The following TRIOBP variants were observed in gnomAD, a reference collection of about 807,000 sequenced individuals.
The protein encoded by TRIOBP is TRIO and F-actin binding protein, also known as TRIO and F-actin-binding protein.
In TRIOBP, 169 loss-of-function variants were observed where a neutral mutation model predicts 238.8. The ratio of observed to expected loss-of-function variants is 0.71; its 90% CI spans 0.62 to 0.80. TRIOBP has a LOEUF of 0.80. Among genes scored for constraint, TRIOBP ranks in the 30% least tolerant of loss-of-function variants. The pLI is 0.00. For missense variants in TRIOBP, 2,838 were observed against 3,122.6 expected, an observed-to-expected ratio of 0.91 and a Z score of 2.17; for synonymous variants, 1,150 against 1,274.4, an observed-to-expected ratio of 0.90 and a Z score of 2.08.
At chr22:37,766,044 A>G (rs1312454400) in intron 18 of TRIOBP, among the ~76,000 whole-genome samples, 2 of 152,124 alleles carry the variant, frequency 1.3e-5, no homozygotes, top group African/African-American at 4.8e-5. Flanking sequence ...CAACACCACC[A>G]CTACCATAGG....
rs774489156 is a variant in TRIOBP, at chr22:37,725,647, C to T, written c.3091C>T (p.Arg1031Cys). 3.1e-6 allele frequency: 5 copies of T among 1,613,690 alleles called. No individual in the cohort carries two copies. The South Asian group carries it at 3.3e-5, about 11-fold the overall frequency. ...RDAPRASSPPRYLQHDPFPFF... is the reference protein window; with the variant it reads ...RDAPRASSPPCYLQHDPFPFF... The stretch of plus-strand genomic sequence containing the variant: ...TGCCCCTCGAGCCTCTTCGCCCCCT[C>T]GCTATTTGCAGCACGACCCCTTCCC... The change falls in exon 7 of 24, where the codon CGC (arginine) becomes TGC (cysteine). Residue 1031 changes from arginine to cysteine, a missense_variant. Transcript: ENST00000644935.
chr22:37,717,011 G>T (rs1263935192), intron 6 of TRIOBP, among the ~76,000 whole-genome samples: 1 of 152,208 alleles, frequency 6.6e-6, no homozygotes, highest in African/African-American at 2.4e-5. Context: ...CTGACTTCAA[G>T]AATGAAGCGG....
At chr22:37,715,070 A>G (rs1923442542) in intron 5 of TRIOBP, among the ~76,000 whole-genome samples, 1 of 152,152 alleles carries the variant, frequency 6.6e-6, no homozygotes, top group Non-Finnish European at 1.5e-5. Flanking sequence ...GCTGGAGTGC[A>G]GTGCCACAAT....
intron 11 of TRIOBP, among the ~76,000 whole-genome samples, chr22:37,741,427 C>CAAACATCTGGCGTTACGTAA (rs941786023): frequency 6.6e-6 from 1 of 152,220 alleles, no homozygotes; most frequent in Non-Finnish European, 1.5e-5. Context: ...GCCAGTTTCA[C>CAAACATCTGGCGTTACGTAA]AAACATCTGG....
In TRIOBP at chr22:37,735,398, G is replaced by A; in HGVS notation, c.5062G>A (p.Gly1688Arg). The A allele has an allele frequency of 6.3e-7, 1 of 1,599,160 alleles. No individual in the cohort carries two copies. Among genetic ancestry groups the A allele is most frequent in the Non-Finnish European group, 8.5e-7 (1 of 1,173,286 alleles). ...AGGCCTGGAGCAGACGGGCCCCCTG[G>A]GGAGCAGGAGCACTGCGAAGGGCCC... Reference protein sequence around the residue: ...LAGLEQTGPLGSRSTAKGPSL... With the variant: ...LAGLEQTGPLRSRSTAKGPSL... Residue 1688 changes from glycine to arginine, a missense_variant, in exon 9 of 24, where the codon GGG becomes AGG. Gly to Arg is a moderately radical substitution (Grantham distance 125). This residue lies in a region of TRIOBP where 2,096 missense variants were observed against 2,137.4 expected (regional missense o/e 0.98). Coordinates refer to ENST00000644935, the MANE Select transcript of TRIOBP (RefSeq NM_001039141.3).
intron 11 of TRIOBP, among the ~76,000 whole-genome samples, chr22:37,747,505 C>G (rs376661325): frequency 6.6e-6 from 1 of 152,178 alleles, no homozygotes; most frequent in East Asian, 1.9e-4. Context: ...ACGCCTAGCC[C>G]CTGCCCTGTG....
At chr22:37,750,982 G>A in intron 11 of TRIOBP, 1 of 373,868 alleles carries the variant, frequency 2.7e-6, no homozygotes, top group South Asian at 2.0e-5. Flanking sequence ...AGCGGAGACT[G>A]CAGAGGGACC....
chr22:37,752,651 C>T (rs903946583), intron 12 of TRIOBP, among the ~76,000 whole-genome samples: 7 of 152,244 alleles, frequency 4.6e-5, no homozygotes, highest in Non-Finnish European at 1.0e-4. Flanking sequence ...CACAGCCTTC[C>T]CTACCCGCTG....
chr22:37,708,946 C>T (rs1569033494), intron 3 of TRIOBP, among the ~76,000 whole-genome samples: 1 of 152,202 alleles, frequency 6.6e-6, no homozygotes, highest in Non-Finnish European at 1.5e-5. Context: ...GCTAGGGTTC[C>T]TGCTGGGCCT....
intron 3 of TRIOBP, among the ~76,000 whole-genome samples, chr22:37,706,645 G>A (rs529645911): frequency 6.6e-6 from 1 of 152,154 alleles, no homozygotes; most frequent in Admixed American, 6.6e-5. Context: ...AAAATGAACT[G>A]GGTGTAGTGG....
intron 18 of TRIOBP, among the ~76,000 whole-genome samples, chr22:37,767,023 C>CA (rs1010531394): frequency 2.0e-5 from 3 of 150,986 alleles, no homozygotes; most frequent in African/African-American, 7.3e-5. Flanking sequence ...GAGGCCGAGG[C>CA]AGGTGCATCA....
intron 11 of TRIOBP, among the ~76,000 whole-genome samples, chr22:37,749,184 A>G (rs1925439329): frequency 6.6e-6 from 1 of 152,072 alleles, no homozygotes; most frequent in South Asian, 2.1e-4. Context: ...GTGAAATCCC[A>G]TCTCTACTAA....
chr22:37,758,692 A>AAAG (rs60824855), intron 16 of TRIOBP, among the ~76,000 whole-genome samples: 47,934 of 149,510 alleles, frequency 0.32, 10,464 homozygotes, highest in African/African-American at 0.63. Context: ...TAAAAAAAAA[A>AAAG]AAGAAGAAGA....
chr22:37,762,263 A>G (rs1040947582), intron 17 of TRIOBP, among the ~76,000 whole-genome samples: 2 of 152,134 alleles, frequency 1.3e-5, no homozygotes, highest in Non-Finnish European at 2.9e-5. Context: ...ACAAGGTCTC[A>G]CTATGTTCCC....
chr22:37,761,187 G>T (rs181326356), intron 17 of TRIOBP, among the ~76,000 whole-genome samples: 137 of 152,094 alleles, frequency 9.0e-4, no homozygotes, highest in Non-Finnish European at 8.8e-4. Flanking sequence ...GGTGGCTAAT[G>T]CCTGTATCTC....
chr22:37,764,617 C>A (rs1370607215), intron 17 of TRIOBP, among the ~76,000 whole-genome samples: 1 of 152,198 alleles, frequency 6.6e-6, no homozygotes, highest in Non-Finnish European at 1.5e-5. Flanking sequence ...TGGGAGTGAA[C>A]CTACTAGGTC....
chr22:37,751,145 T>G (rs932437249), intron 11 of TRIOBP: 3 of 430,138 alleles, frequency 7.0e-6, no homozygotes, highest in African/African-American at 6.2e-5. Flanking sequence ...TGGGACATGC[T>G]GCAGCTGGTA....
intron 15 of TRIOBP, among the ~76,000 whole-genome samples, chr22:37,756,830 C>A (rs1466701194): frequency 6.6e-6 from 1 of 152,236 alleles, no homozygotes; most frequent in Non-Finnish European, 1.5e-5. Context: ...TTCAGAGTCT[C>A]TGCAACTTGT....
chr22:37,739,627 G>A (rs1408889703), intron 10 of TRIOBP, among the ~76,000 whole-genome samples: 1 of 152,202 alleles, frequency 6.6e-6, no homozygotes, highest in Non-Finnish European at 1.5e-5. Context: ...TGGCACCCAT[G>A]CTGCCCCCGT....
Sources: gnomAD v4.1 joint callset for allele counts (sites outside exome capture counted in the v4.1 genomes callset) on GRCh38, gnomAD v4.1.1 for gene constraint, gnomAD v4.1.1 regional missense constraint, MANE v1.5 for transcripts, NCBI Gene and HGNC (gene_info 2026-07-23, HGNC 2026-07-21) for gene names.